Variants in MAML2 observed in about 807,000 individuals in gnomAD.
The protein encoded by MAML2 is mastermind like transcriptional coactivator 2, also known as mastermind-like protein 2.
A neutral mutation model predicts 96.1 loss-of-function variants in MAML2; 22 were observed. The ratio of observed to expected loss-of-function variants is 0.23; its 90% CI spans 0.16 to 0.33. MAML2 has a LOEUF of 0.33. Ranked by LOEUF, MAML2 falls within the 10% of genes least tolerant of loss-of-function variation. The probability of loss-of-function intolerance (pLI) is 1.00; values close to 1 mark genes in which losing one functional copy is unlikely to be tolerated. For missense variants in MAML2, 1,367 were observed against 1,392.4 expected, an observed-to-expected ratio of 0.98 and a Z score of 0.29; for synonymous variants, 561 against 521.3, an observed-to-expected ratio of 1.08 and a Z score of -1.04.
rs1288024878 is a variant in MAML2, at chr11:95,979,349, C to T, written c.3070G>A (p.Val1024Met). 3.1e-6 allele frequency: 5 copies of T among 1,613,868 alleles called. No individual in the cohort carries two copies. Among genetic ancestry groups the T allele is most frequent in the Non-Finnish European group, 4.2e-6 (5 of 1,179,856 alleles). ...VAPPNQLTPA[V>M]QMRPMNQMSQ... Reference sequence around the variant, plus strand: ...ATTTGGTTCATGGGTCTCATTTGCACTGCTGGTGTTAACTGGTTAGGAGGA... The same window carrying T: ...ATTTGGTTCATGGGTCTCATTTGCATTGCTGGTGTTAACTGGTTAGGAGGA... The change falls in exon 5 of 5, where the codon GTG becomes ATG. Residue 1024 changes from valine to methionine, a missense_variant. By Grantham distance (21) the Val-to-Met change is conservative. Transcript: ENST00000524717.
chr11:96,070,908 C>A (rs1280826819), intron 2 of MAML2, among the ~76,000 whole-genome samples: 1 of 152,248 alleles, frequency 6.6e-6, no homozygotes, highest in African/African-American at 2.4e-5. Context: ...TGGGTACTAA[C>A]TACAAAAGGT....
chr11:96,042,135 C>T (rs1242732530), intron 2 of MAML2, among the ~76,000 whole-genome samples: 1 of 152,168 alleles, frequency 6.6e-6, no homozygotes, highest in Non-Finnish European at 1.5e-5. Flanking sequence ...CGCCACCATG[C>T]CTGGCTAATT....
At position 96,092,664 on chromosome 11, in the gene MAML2, T is replaced by C. The variant is rs1859744599; in HGVS notation, c.1367A>G (p.His456Arg). 1 of 1,612,370 alleles carries C rather than the reference T, an allele frequency of 6.2e-7. No homozygotes were observed. The highest frequency in any genetic ancestry group is 8.5e-7 in the Non-Finnish European group (1 of 1,178,512). ...CAAGGCTGACCAGTTGGTAGGCTGGTGCTGCTGCTGGTGCTGCTGCATCCG... is the reference window on the plus strand; with the variant it reads ...CAAGGCTGACCAGTTGGTAGGCTGGCGCTGCTGCTGGTGCTGCTGCATCCG... Reference protein sequence around the residue: ...HARMQQHQQQHQPTNWSALPS... With the variant: ...HARMQQHQQQRQPTNWSALPS... The change falls in exon 2 of 5, where the codon CAC becomes CGC. Residue 456 changes from histidine (H) to arginine (R), a missense_variant. Coordinates refer to ENST00000524717, the MANE Select transcript of MAML2 (RefSeq NM_032427.4). The surrounding 1 kb of genome is among the most constrained non-coding windows in gnomAD (Gnocchi z 4.1).
chr11:96,138,999 C>G (rs965421864), intron 1 of MAML2, among the ~76,000 whole-genome samples: 1 of 152,136 alleles, frequency 6.6e-6, no homozygotes, highest in African/African-American at 2.4e-5. Flanking sequence ...ACTAGTTATA[C>G]TTTCTCATGT....
intron 2 of MAML2, among the ~76,000 whole-genome samples, chr11:95,992,595 C>T (rs975396623): frequency 6.6e-6 from 1 of 152,122 alleles, no homozygotes; most frequent in Non-Finnish European, 1.5e-5. Flanking sequence ...ATGGTTATCA[C>T]CTTAGAGAAT....
intron 2 of MAML2, among the ~76,000 whole-genome samples, chr11:96,070,303 A>G (rs1032747171): frequency 7.3e-5 from 11 of 151,602 alleles, no homozygotes; most frequent in African/African-American, 2.4e-4. Context: ...AAAAATAAAA[A>G]TAATAAATAA....
intron 2 of MAML2, among the ~76,000 whole-genome samples, chr11:96,073,321 C>CTTT (rs57220287): frequency 4.6e-5 from 5 of 108,286 alleles, no homozygotes; most frequent in East Asian, 5.1e-4. Context: ...CTTTTCTTTT[C>CTTT]TTTTTTTTTT....
intron 2 of MAML2, among the ~76,000 whole-genome samples, chr11:96,017,901 T>G (rs940612382): frequency 3.3e-5 from 5 of 152,170 alleles, no homozygotes; most frequent in Admixed American, 1.3e-4. Flanking sequence ...AGCTTTTACT[T>G]GAATAATAAG....
At chr11:96,289,763 TG>T (rs1863184991) in intron 1 of MAML2, among the ~76,000 whole-genome samples, 1 of 152,172 alleles carries the variant, frequency 6.6e-6, no homozygotes, top group South Asian at 2.1e-4. Context: ...ATGTATTTAT[TG>T]GTGTGCCTAA....
At chr11:96,002,598 G>A (rs909013234) in intron 2 of MAML2, among the ~76,000 whole-genome samples, 5 of 151,878 alleles carry the variant, frequency 3.3e-5, no homozygotes, top group Admixed American at 2.6e-4. Context: ...GGATGATGAG[G>A]ATGATGGGGA....
chr11:96,074,942 T>C (rs998294420), intron 2 of MAML2, among the ~76,000 whole-genome samples: 2 of 152,114 alleles, frequency 1.3e-5, no homozygotes, highest in African/African-American at 4.8e-5. Flanking sequence ...TGCTTTTGAT[T>C]TTTCCTCTGG....
intron 1 of MAML2, among the ~76,000 whole-genome samples, chr11:96,208,622 C>CTAGTTTATTAA (rs1861926337): frequency 6.6e-6 from 1 of 152,146 alleles, no homozygotes; most frequent in Non-Finnish European, 1.5e-5. Flanking sequence ...TGTTAACTTA[C>CTAGTTTATTAA]TAGTTTATTA....
chr11:96,118,222 T>A (rs886233814), intron 1 of MAML2, among the ~76,000 whole-genome samples: 2 of 152,200 alleles, frequency 1.3e-5, no homozygotes, highest in East Asian at 1.9e-4. Flanking sequence ...GTCTTTTTCA[T>A]CTGCAAATTC....
chr11:95,998,335 G>T (rs191022218), intron 2 of MAML2, among the ~76,000 whole-genome samples: 3 of 152,230 alleles, frequency 2.0e-5, no homozygotes, highest in Non-Finnish European at 4.4e-5. Context: ...TGTATTATTT[G>T]GAATGCTCTT....
intron 2 of MAML2, among the ~76,000 whole-genome samples, chr11:95,992,370 T>C (rs1490367351): frequency 6.6e-6 from 1 of 152,172 alleles, no homozygotes; most frequent in African/African-American, 2.4e-5. Context: ...TGAGAAAATA[T>C]TGATTAAAAA....
At chr11:96,260,250 AAAG>A (rs553632260) in intron 1 of MAML2, among the ~76,000 whole-genome samples, 1 of 152,184 alleles carries the variant, frequency 6.6e-6, no homozygotes, top group South Asian at 2.1e-4. Flanking sequence ...GCAGAAGAAA[AAAG>A]AAGAATGTCT....
chr11:96,136,552 T>C (rs1465719939), intron 1 of MAML2, among the ~76,000 whole-genome samples: 1 of 152,166 alleles, frequency 6.6e-6, no homozygotes, highest in African/African-American at 2.4e-5. Context: ...GTTGTTTATT[T>C]CCTGCTTTCA....
intron 2 of MAML2, among the ~76,000 whole-genome samples, chr11:95,993,589 C>CA (rs1336002686): frequency 6.6e-6 from 1 of 152,058 alleles, no homozygotes; most frequent in East Asian, 1.9e-4. Flanking sequence ...AACAAACAAA[C>CA]AAAAAACCAC....
At chr11:96,086,127 C>T (rs938031322) in intron 2 of MAML2, among the ~76,000 whole-genome samples, 39 of 152,124 alleles carry the variant, frequency 2.6e-4, no homozygotes, top group Admixed American at 2.6e-3. Flanking sequence ...AGGACAGATA[C>T]CTCCTTCAGA....
Sources: allele counts gnomAD v4.1 joint callset (sites outside exome capture counted in the v4.1 genomes callset), GRCh38; gene constraint gnomAD v4.1.1; non-coding constraint Gnocchi (gnomAD v3.1); transcripts MANE v1.5; gene names NCBI Gene and HGNC (gene_info 2026-07-23, HGNC 2026-07-21).